The following DCLK2 variants were observed in gnomAD, a reference collection of about 807,000 sequenced individuals.
The protein encoded by DCLK2 is doublecortin like kinase 2.
Under a neutral mutation model 78.4 loss-of-function variants are expected in DCLK2, and 31 were observed. The ratio of observed to expected loss-of-function variants is 0.40; its 90% confidence interval spans 0.30 to 0.53. The LOEUF is 0.53. Ranked by LOEUF, DCLK2 falls within the 20% of genes least tolerant of loss-of-function variation. The pLI, the probability that DCLK2 is intolerant of heterozygous loss-of-function variation, is 0.61. For missense variants in DCLK2, 872 were observed against 973.7 expected (o/e 0.90, Z 1.39); for synonymous variants, 407 against 374.9 (o/e 1.09, Z -0.99).
intron 1 of DCLK2, among the ~76,000 whole-genome samples, chr4:150,087,050 C>T (rs973743181): frequency 6.6e-6 from 1 of 152,080 alleles, no homozygotes; most frequent in Admixed American, 6.5e-5. Context: ...AATGAATATT[C>T]TTTTATTCCT....
At chr4:150,148,360 G>A (rs1327217929) in intron 2 of DCLK2, among the ~76,000 whole-genome samples, 1 of 145,030 alleles carries the variant, frequency 6.9e-6, no homozygotes, top group Non-Finnish European at 1.5e-5. Context: ...GCAAGACCCT[G>A]TCTCAAAAGA....
At chr4:150,187,521 T>G (rs1738042678) in intron 2 of DCLK2, among the ~76,000 whole-genome samples, 1 of 152,228 alleles carries the variant, frequency 6.6e-6, no homozygotes, top group Non-Finnish European at 1.5e-5. Context: ...TCTTTAGTAC[T>G]GCAGCACCCA....
chr4:150,219,419 G>A (rs996711980), intron 5 of DCLK2, among the ~76,000 whole-genome samples: 1 of 151,876 alleles, frequency 6.6e-6, no homozygotes, highest in Admixed American at 6.6e-5. Context: ...GTGTCACCAC[G>A]CCTGGGCGAT....
In DCLK2 at chr4:150,126,315, C is replaced by T. The variant is rs1043351247; in HGVS notation, c.756+23503C>T. Among the ~76,000 whole-genome samples the T allele has an allele frequency of 8.5e-5, 13 of 152,310 alleles. No homozygotes were observed. In the East Asian group the frequency reaches 1.5e-3, roughly 18 times the overall value. Reference sequence around the variant, plus strand: ...AACAAAGATATGTAAGACAAGGTCTCTGTATTTTGAGGAACTCTTATTGTA... The same window carrying T: ...AACAAAGATATGTAAGACAAGGTCTTTGTATTTTGAGGAACTCTTATTGTA... On this transcript the variant is annotated intron_variant, in intron 2 of 15. Coordinates refer to ENST00000296550, the MANE Select transcript of DCLK2 (RefSeq NM_001040260.4).
chr4:150,172,760 T>G (rs1419210327), intron 2 of DCLK2, among the ~76,000 whole-genome samples: 21 of 125,024 alleles, frequency 1.7e-4, no homozygotes, highest in East Asian at 7.5e-4. Context: ...TTTTTTTTTT[T>G]GGGGGGGGGG....
chr4:150,172,790 C>T (rs1736653353), intron 2 of DCLK2, among the ~76,000 whole-genome samples: 2 of 139,626 alleles, frequency 1.4e-5, no homozygotes, highest in African/African-American at 5.3e-5. Flanking sequence ...TGCTCTTTCT[C>T]ATCTTTGCCT....
intron 12 of DCLK2, among the ~76,000 whole-genome samples, chr4:150,243,342 A>G (rs1267347729): frequency 1.3e-5 from 2 of 152,196 alleles, no homozygotes; most frequent in African/African-American, 2.4e-5. Flanking sequence ...CCTCTTTTAT[A>G]TCATATTGTG....
rs1426288974 is a variant in DCLK2 at position 150,257,092 on chromosome 4, G to A, written c.*845G>A. ...AGCGGCTGCTTCCCTGCAAGCCAGC[G>A]ACTTGCCGAGCAGAATGAGCTCTGC... On this transcript the variant is annotated 3_prime_UTR_variant, in exon 16 of 16. Transcript: ENST00000296550. 3 of 152,348 alleles carry A rather than the reference G, an allele frequency of 2.0e-5. No individual in the cohort carries two copies. The highest frequency in any genetic ancestry group is 2.1e-4 in the South Asian group (1 of 4,834). The allele number at this position is 152,348 out of a possible 1,614,324, so 9.4% of individuals were successfully genotyped here.
intron 12 of DCLK2, among the ~76,000 whole-genome samples, chr4:150,240,928 A>C (rs1742884842): frequency 6.6e-6 from 1 of 152,102 alleles, no homozygotes; most frequent in African/African-American, 2.4e-5. Flanking sequence ...TCATTCTTTC[A>C]TAAAAATAAA....
chr4:150,111,899 T>C (rs1211933692), intron 2 of DCLK2, among the ~76,000 whole-genome samples: 1 of 152,224 alleles, frequency 6.6e-6, no homozygotes, highest in Non-Finnish European at 1.5e-5. Flanking sequence ...TCAGGTAATG[T>C]GATGCCTCCA....
chr4:150,105,476 T>G (rs953388333), intron 2 of DCLK2, among the ~76,000 whole-genome samples: 4 of 151,974 alleles, frequency 2.6e-5, no homozygotes, highest in African/African-American at 9.7e-5. Context: ...AAAGAAAATG[T>G]TCAGTGTTTT....
intron 11 of DCLK2, among the ~76,000 whole-genome samples, chr4:150,240,177 G>A (rs1042889467): frequency 6.6e-6 from 1 of 152,170 alleles, no homozygotes; most frequent in African/African-American, 2.4e-5. Context: ...GTGTTCTAAG[G>A]CCACTCTTGA....
chr4:150,246,259 C>G (rs947256818), intron 12 of DCLK2, among the ~76,000 whole-genome samples: 6 of 152,122 alleles, frequency 3.9e-5, no homozygotes, highest in African/African-American at 1.4e-4. Flanking sequence ...GTTGGTCAGG[C>G]TGGTCTTGAA....
At chr4:150,199,167 A>C in intron 4 of DCLK2, 1 of 1,213,378 alleles carries the variant, frequency 8.2e-7, no homozygotes, top group Non-Finnish European at 1.2e-6. Context: ...CTCCATTTCC[A>C]TGAATGTATC....
intron 2 of DCLK2, among the ~76,000 whole-genome samples, chr4:150,159,511 A>C (rs1735551878): frequency 6.6e-6 from 1 of 152,252 alleles, no homozygotes; most frequent in African/African-American, 2.4e-5. Flanking sequence ...GTACGTGCTT[A>C]CAGCACACGT....
intron 2 of DCLK2, among the ~76,000 whole-genome samples, chr4:150,117,241 G>A (rs1732163038): frequency 6.6e-6 from 1 of 152,112 alleles, no homozygotes; most frequent in African/African-American, 2.4e-5. Context: ...ATAGCAGACG[G>A]CAGTAATTCC....
At chr4:150,167,435 A>G (rs1434686571) in intron 2 of DCLK2, among the ~76,000 whole-genome samples, 2 of 152,236 alleles carry the variant, frequency 1.3e-5, no homozygotes, top group Non-Finnish European at 2.9e-5. Flanking sequence ...ACCTCAATTT[A>G]GGCCTTAATA....
At chr4:150,191,281 G>A (rs1011014574) in intron 2 of DCLK2, among the ~76,000 whole-genome samples, 1 of 151,974 alleles carries the variant, frequency 6.6e-6, no homozygotes, top group Non-Finnish European at 1.5e-5. Flanking sequence ...ATAAAAGGTA[G>A]CCACTGAGGG....
intron 15 of DCLK2, among the ~76,000 whole-genome samples, chr4:150,254,149 C>A (rs1008315168): frequency 3.9e-5 from 6 of 152,186 alleles, no homozygotes; most frequent in African/African-American, 1.2e-4. Context: ...GAGAGACCAT[C>A]TTGTGGTGGG....
Sources: allele counts gnomAD v4.1 joint callset (sites outside exome capture counted in the v4.1 genomes callset), GRCh38; gene constraint gnomAD v4.1.1; transcripts MANE v1.5; gene names NCBI Gene and HGNC (gene_info 2026-07-23, HGNC 2026-07-21).